MECOM: variants seen among roughly 807,000 people sequenced by gnomAD.
MECOM encodes MDS1 and EVI1 complex locus, also known as histone-lysine N-methyltransferase MECOM.
MECOM carries 13 observed loss-of-function variants against 116.3 expected under a neutral mutation model. The ratio of observed to expected loss-of-function variants is 0.11; its 90% CI spans 0.07 to 0.18. The LOEUF is 0.18. Among genes scored for constraint, MECOM ranks in the 10% least tolerant of loss-of-function variants. The pLI is 1.00. For synonymous variants in MECOM, 528 were observed against 535.2 expected (o/e 0.99, Z 0.19); for missense variants, 1,299 against 1,509.0 (o/e 0.86, Z 2.31).
intron 2 of MECOM, among the ~76,000 whole-genome samples, chr3:169,214,280 A>C (rs575379033): frequency 6.6e-6 from 1 of 152,248 alleles, no homozygotes; most frequent in East Asian, 1.9e-4. Context: ...CTAAACTAAA[A>C]GAACTAAACT....
intron 2 of MECOM, among the ~76,000 whole-genome samples, chr3:169,158,143 C>T (rs1250359042): frequency 6.6e-6 from 1 of 152,174 alleles, no homozygotes; most frequent in East Asian, 1.9e-4. Flanking sequence ...ATTTAAATGA[C>T]TCACTAAGTG....
At chr3:169,171,967 C>A (rs1744473897) in intron 2 of MECOM, among the ~76,000 whole-genome samples, 1 of 152,106 alleles carries the variant, frequency 6.6e-6, no homozygotes, top group Non-Finnish European at 1.5e-5. Context: ...AACCAACATT[C>A]AATGGGTTCT....
chr3:169,185,164 A>G (rs148499389), intron 2 of MECOM, among the ~76,000 whole-genome samples: 219 of 152,316 alleles, frequency 1.4e-3, no homozygotes, highest in Middle Eastern at 6.8e-3. Flanking sequence ...TTAGGAGTCT[A>G]TAATGGATAA....
chr3:169,190,017 G>A (rs1222948803), intron 2 of MECOM, among the ~76,000 whole-genome samples: 1 of 151,976 alleles, frequency 6.6e-6, no homozygotes, highest in African/African-American at 2.4e-5. Flanking sequence ...TAGCAGATGG[G>A]CTGCTTATGA....
chr3:169,169,719 G>C lies in MECOM; in HGVS notation c.376-25887C>G, dbSNP rs1011915611. On this transcript the variant is annotated intron_variant, in intron 2 of 16. Transcript: ENST00000651503. ...GCAAGAAGTAACCTTTAGTTTCCCT[G>C]AACTACTTCAACTTCCTGGTTAACC... Among the ~76,000 whole-genome samples, 4 of 152,134 alleles carry C rather than the reference G, an allele frequency of 2.6e-5. No individual in the cohort carries two copies. In the East Asian group the frequency reaches 5.8e-4, roughly 22 times the overall value.
At chr3:169,112,641 A>C (rs1727806910) in intron 9 of MECOM, 146 bp downstream of exon 9, 1 of 656,210 alleles carries the variant, frequency 1.5e-6, no homozygotes. Flanking sequence ...TTTGGGTTTT[A>C]ATTCTGCTAG....
At chr3:169,478,740 T>C (rs989962018) in intron 1 of MECOM, among the ~76,000 whole-genome samples, 4 of 152,222 alleles carry the variant, frequency 2.6e-5, no homozygotes, top group Admixed American at 2.0e-4. Context: ...TGCCAATTCC[T>C]AGGCTAAACC....
At chr3:169,302,871 A>C (rs1717009525) in intron 2 of MECOM, among the ~76,000 whole-genome samples, 1 of 152,206 alleles carries the variant, frequency 6.6e-6, no homozygotes, top group African/African-American at 2.4e-5. Context: ...CTCAAAAAAA[A>C]AAAGCGTAAC....
At position 169,472,523 on chromosome 3, in the gene MECOM, A is replaced by AAAGGAAAGGAAAGGAAAGG. The variant is rs1560317894; in HGVS notation, c.38-91000_38-90999insCCTTTCCTTTCCTTTCCTT. On this transcript the variant is annotated intron_variant, in intron 1 of 16. Transcript: ENST00000651503. ...GAAAGGAAAGGAAAGGAAAGGAAAGAAAAGAAAAGAAAAGGAAAGGAAAGG... is the reference window on the plus strand; with the variant it reads ...GAAAGGAAAGGAAAGGAAAGGAAAGAAAGGAAAGGAAAGGAAAGGAAAGAAAAGAAAAGGAAAGGAAAGG... 2.0e-4 allele frequency among the ~76,000 whole-genome samples: 13 copies of AAAGGAAAGGAAAGGAAAGG among 64,586 alleles called. 1 individual carries two copies. Among genetic ancestry groups the AAAGGAAAGGAAAGGAAAGG allele is most frequent in the African/African-American group, 9.2e-4 (12 of 13,030 alleles). The allele number at this position is 64,586 out of a possible 152,430, so 42.4% of individuals were successfully genotyped here.
At chr3:169,649,409 C>CAAAAAAAAAAAAAAA (rs71634436) in intron 1 of MECOM, among the ~76,000 whole-genome samples, 4 of 74,438 alleles carry the variant, frequency 5.4e-5, no homozygotes, top group Admixed American at 1.8e-4. Flanking sequence ...AACTCCATCT[C>CAAAAAAAAAAAAAAA]AAAAAAAAAA....
rs561451618 is a variant in MECOM at position 169,143,110 on chromosome 3, G to T, written c.510+588C>A. Among the ~76,000 whole-genome samples, 16 of 151,996 alleles carry T rather than the reference G, an allele frequency of 1.1e-4. No homozygotes were observed. The South Asian group carries it at 3.1e-3, about 30-fold the overall frequency. On this transcript the variant is annotated intron_variant, in intron 3 of 16. Transcript: ENST00000651503. ...TATTGTTATTAAAGTCAACCTCACTGCATGGTCCTCCATAATGTCACAAAG... is the reference window on the plus strand; with the variant it reads ...TATTGTTATTAAAGTCAACCTCACTTCATGGTCCTCCATAATGTCACAAAG...
In MECOM at chr3:169,663,454, G is replaced by C. The variant is rs374120104; in HGVS notation, c.-82C>G. ...CTTTCCTTCTTTTGCTCTCCCTCTC[G>C]CTCCCTCCCTCTCTCTCCTGTCTCT... On this transcript the variant is annotated 5_prime_UTR_variant, in exon 1 of 17. Transcript: ENST00000651503. The C allele has an allele frequency of 4.2e-6, 5 of 1,191,338 alleles. No individual in the cohort carries two copies. In the African/African-American group the frequency reaches 5.8e-5, roughly 14 times the overall value. The allele number at this position is 1,191,338 out of a possible 1,614,324, so 73.8% of individuals were successfully genotyped here.
In MECOM at chr3:169,196,944, A is replaced by C. The variant is rs144699307; in HGVS notation, c.376-53112T>G. On this transcript the variant is annotated intron_variant, in intron 2 of 16. Coordinates refer to ENST00000651503, the MANE Select transcript of MECOM (RefSeq NM_004991.4). ...TCATCAACAGTGGACTAGATAAAGAAATTGTGGTATAGATACACCATGGAA... is the reference window on the plus strand; with the variant it reads ...TCATCAACAGTGGACTAGATAAAGACATTGTGGTATAGATACACCATGGAA... 7.2e-4 allele frequency among the ~76,000 whole-genome samples: 110 copies of C among 152,208 alleles called. 1 individual carries two copies. The highest frequency in any genetic ancestry group is 2.4e-3 in the African/African-American group (99 of 41,558).
At chr3:169,579,381 G>C (rs1009449433) in intron 1 of MECOM, among the ~76,000 whole-genome samples, 1 of 152,072 alleles carries the variant, frequency 6.6e-6, no homozygotes, top group Non-Finnish European at 1.5e-5. Context: ...TCTAGGAGGC[G>C]GACAATGATC....
At chr3:169,376,786 C>T (rs1317600810) in intron 2 of MECOM, among the ~76,000 whole-genome samples, 2 of 152,096 alleles carry the variant, frequency 1.3e-5, no homozygotes, top group Non-Finnish European at 2.9e-5. Flanking sequence ...GTTATCCCAT[C>T]CAGCTACCAT....
At chr3:169,320,321 C>G (rs1359604491) in intron 2 of MECOM, among the ~76,000 whole-genome samples, 1 of 152,148 alleles carries the variant, frequency 6.6e-6, no homozygotes. Flanking sequence ...TAGGAATAAA[C>G]TGGGACTGTC....
intron 1 of MECOM, among the ~76,000 whole-genome samples, chr3:169,464,325 A>C (rs1747932288): frequency 6.6e-6 from 1 of 152,182 alleles, no homozygotes; most frequent in South Asian, 2.1e-4. Context: ...TGGCATGGGC[A>C]TTTAAATGTA....
chr3:169,331,610 T>C (rs1477338466), intron 2 of MECOM, among the ~76,000 whole-genome samples: 3 of 152,162 alleles, frequency 2.0e-5, no homozygotes, highest in Non-Finnish European at 2.9e-5. Flanking sequence ...TGGAAGACTA[T>C]AGAAATCTTA....
At chr3:169,618,604 C>CAGA (rs1310685939) in intron 1 of MECOM, among the ~76,000 whole-genome samples, 6 of 151,928 alleles carry the variant, frequency 3.9e-5, no homozygotes, top group African/African-American at 1.5e-4. Context: ...TTGCAGTGAG[C>CAGA]CGAGATCACA....
Sources: gnomAD v4.1 joint callset for allele counts (sites outside exome capture counted in the v4.1 genomes callset) on GRCh38, gnomAD v4.1.1 for gene constraint, MANE v1.5 for transcripts, NCBI Gene and HGNC (gene_info 2026-07-23, HGNC 2026-07-21) for gene names.